The following KCNU1 variants were observed in gnomAD, a reference collection of about 807,000 sequenced individuals.
KCNU1 encodes the protein potassium channel subfamily U member 1.
Under a neutral mutation model 126.8 loss-of-function variants are expected in KCNU1, and 93 were observed. The ratio of observed to expected loss-of-function variants is 0.73; its 90% confidence interval spans 0.62 to 0.87. The LOEUF is 0.87. Ranked by LOEUF, KCNU1 falls within the 40% of genes least tolerant of loss-of-function variation. The pLI, the probability that KCNU1 is intolerant of heterozygous loss-of-function variation, is 0.00. For synonymous variants in KCNU1, 523 were observed against 494.2 expected (o/e 1.06, Z -0.77); for missense variants, 1,330 against 1,367.1 (o/e 0.97, Z 0.43).
chr8:36,882,174 A>G (rs745308235), intron 19 of KCNU1, among the ~76,000 whole-genome samples: 1 of 152,030 alleles, frequency 6.6e-6, no homozygotes, highest in Non-Finnish European at 1.5e-5. Context: ...ATGAGTTTCT[A>G]TTTGTCTCAT....
At chr8:36,831,206 C>A (rs868384517) in intron 10 of KCNU1, among the ~76,000 whole-genome samples, 197 of 151,950 alleles carry the variant, frequency 1.3e-3, no homozygotes, top group African/African-American at 4.5e-3. Context: ...GTGAATAATG[C>A]CGCAATAAAC....
At chr8:36,904,829 G>C (rs886245484) in intron 19 of KCNU1, among the ~76,000 whole-genome samples, 6 of 152,132 alleles carry the variant, frequency 3.9e-5, no homozygotes, top group Non-Finnish European at 8.8e-5. Flanking sequence ...GTGTGGAGGA[G>C]AGACACCTTT....
intron 19 of KCNU1, among the ~76,000 whole-genome samples, chr8:36,875,289 A>G (rs1340461072): frequency 6.6e-6 from 1 of 151,056 alleles, no homozygotes; most frequent in Non-Finnish European, 1.5e-5. Flanking sequence ...AATCACATGT[A>G]TGTGTGTGTA....
intron 18 of KCNU1, among the ~76,000 whole-genome samples, chr8:36,854,167 A>G (rs1805449272): frequency 6.6e-6 from 1 of 152,044 alleles, no homozygotes; most frequent in Non-Finnish European, 1.5e-5. Context: ...TGAGTCTTAC[A>G]TTTTTGATTA....
chr8:36,933,008 A>C lies in KCNU1; in HGVS notation c.3020A>C (p.Glu1007Ala), dbSNP rs367578756. ...GGCTTATACCGAATAATTGATGAAGAGGAGCTCAACCCAGAAAACAAAAGG... is the reference window on the plus strand; with the variant it reads ...GGCTTATACCGAATAATTGATGAAGCGGAGCTCAACCCAGAAAACAAAAGG... ...CVGLYRIIDE[E>A]ELNPENKRFV... Residue 1007 changes from glutamate to alanine, a missense_variant, in exon 26 of 27, where the codon GAG (glutamate) becomes GCG (alanine). Physicochemically the swap from Glu to Ala is moderately radical, Grantham distance 107 (BLOSUM62 -1). Transcript: ENST00000399881. The C allele has an allele frequency of 1.3e-4, 210 of 1,562,008 alleles. 1 individual carries two copies. Among genetic ancestry groups the C allele is most frequent in the Non-Finnish European group, 1.7e-4 (192 of 1,150,944 alleles).
chr8:36,935,765 C>T lies in KCNU1; in HGVS notation c.3295C>T (p.Leu1099Phe), dbSNP rs1808835799. 6.2e-7 allele frequency: 1 copy of T among 1,613,504 alleles called. No individual in the cohort carries two copies. Among genetic ancestry groups the T allele is most frequent in the Non-Finnish European group, 8.5e-7 (1 of 1,179,562 alleles). ...VYSYQPRTNS[L>F]SFPKQIAWNQ... Reference sequence around the variant, plus strand: ...TTCTTACCAGCCGAGAACTAACTCCCTCTCTTTTCCTAAGCAAATAGCATG... The same window carrying T: ...TTCTTACCAGCCGAGAACTAACTCCTTCTCTTTTCCTAAGCAAATAGCATG... Residue 1099 changes from leucine (L) to phenylalanine (F), a missense_variant, in exon 27 of 27, where the codon CTC becomes TTC. Around this residue, in one of 3 missense-constraint regions of KCNU1, gnomAD observed 1,054 missense variants for 1,053.9 expected, o/e 1.00. Transcript: ENST00000399881.
Position 36,864,513 on chromosome 8 carries a change from C to G in KCNU1, c.2001C>G (p.Phe667Leu), listed in dbSNP as rs764748452. ...VSASTSSISNFTTRTLQHDVE... is the reference protein window; with the variant it reads ...VSASTSSISNLTTRTLQHDVE... ...CAAGCACTTCGAGCATATCAAACTT[C>G]ACCACCAGGTAAAAGCTGCAGAGAA... Residue 667 changes from phenylalanine (F) to leucine (L), a missense_variant, in exon 19 of 27, where the codon TTC becomes TTG. Around this residue, in one of 3 missense-constraint regions of KCNU1, gnomAD observed 1,054 missense variants for 1,053.9 expected, o/e 1.00. Coordinates refer to ENST00000399881, the MANE Select transcript of KCNU1 (RefSeq NM_001031836.3). 2 of 1,598,236 alleles carry G rather than the reference C, an allele frequency of 1.3e-6. No homozygotes were observed. The highest frequency in any genetic ancestry group is 1.7e-6 in the Non-Finnish European group (2 of 1,165,828).
chr8:36,903,933 G>T (rs1016592377), intron 19 of KCNU1, among the ~76,000 whole-genome samples: 12 of 152,090 alleles, frequency 7.9e-5, no homozygotes, highest in African/African-American at 2.9e-4. Context: ...ACCAGCACGA[G>T]GGTAACCATC....
intron 1 of KCNU1, 127 bp downstream of exon 1, chr8:36,784,732 G>T: frequency 1.3e-6 from 1 of 744,966 alleles, no homozygotes; most frequent in Non-Finnish European, 2.1e-6. Flanking sequence ...CTATAGCCTG[G>T]TGCCTCAGAA....
At chr8:36,930,849 C>A in intron 24 of KCNU1, 102 bp from the exon 25 acceptor site, 1 of 688,502 alleles carries the variant, frequency 1.5e-6, no homozygotes, top group Non-Finnish European at 2.4e-6. Flanking sequence ...CCATCAGGTC[C>A]ATGTTAAACA....
At position 36,787,344 on chromosome 8, in the gene KCNU1, A is replaced by G; in HGVS notation, c.234A>G (p.Val78=). The G allele has an allele frequency of 6.2e-7, 1 of 1,612,120 alleles. No homozygotes were observed. Among genetic ancestry groups the G allele is most frequent in the Non-Finnish European group, 8.5e-7 (1 of 1,178,688 alleles). The stretch of plus-strand genomic sequence containing the variant: ...CAGGTACCATCGCTAGGAGCCATGT[A>G]AGAAGCCTCCACTTCCAGGGACAAT... ...FTSGTIARSH[V]RSLHFQGQFR... is the part of the protein sequence containing the mutation. The change falls in exon 2 of 27, where the codon GTA becomes GTG. Residue 78 remains valine (V), a synonymous_variant. Coordinates refer to ENST00000399881, the MANE Select transcript of KCNU1 (RefSeq NM_001031836.3).
At chr8:36,874,825 C>T (rs924148781) in intron 19 of KCNU1, among the ~76,000 whole-genome samples, 3 of 151,950 alleles carry the variant, frequency 2.0e-5, no homozygotes, top group African/African-American at 4.8e-5. Context: ...CCTTTCTTAC[C>T]GAGAGAAGGT....
chr8:36,856,608 C>A, intron 18 of KCNU1, among the ~76,000 whole-genome samples: 1 of 152,134 alleles, frequency 6.6e-6, no homozygotes, highest in Non-Finnish European at 1.5e-5. Flanking sequence ...TTAATGGTCT[C>A]TTTCCCTGAT....
chr8:36,913,664 C>T (rs1050051476), intron 22 of KCNU1, among the ~76,000 whole-genome samples: 3 of 147,030 alleles, frequency 2.0e-5, no homozygotes, highest in Admixed American at 1.4e-4. Context: ...TGCGGTGGTG[C>T]GATCTTGGCT....
chr8:36,922,757 T>A, intron 24 of KCNU1, 128 bp downstream of exon 24: 1 of 954,600 alleles, frequency 1.0e-6, no homozygotes, highest in Non-Finnish European at 1.5e-6. Flanking sequence ...AAAAACAAGC[T>A]TGTTCCCATA....
rs1803407374 is a variant in KCNU1 at position 36,804,012 on chromosome 8, G to A, written c.316-15G>A. The A allele has an allele frequency of 3.9e-6, 6 of 1,531,474 alleles. No homozygotes were observed. The Admixed American group carries it at 7.8e-5, about 20-fold the overall frequency. 94.9% of individuals were successfully genotyped at this position (1,531,474 alleles called of 1,614,324 possible). A position where few individuals can be genotyped will look rare whatever the true frequency, so the allele number is the denominator to read the frequency against. On this transcript the variant is annotated splice_polypyrimidine_tract_variant and intron_variant, in intron 2 of 26. Coordinates refer to ENST00000399881, the MANE Select transcript of KCNU1 (RefSeq NM_001031836.3). ...GAAGTGGATTTAGACATTTGTCCCT[G>A]TTTTTCATTTTCAGGTGATCCTTGT... is the stretch of plus-strand genomic sequence containing the variant.
intron 25 of KCNU1, among the ~76,000 whole-genome samples, chr8:36,931,542 C>T (rs1808703504): frequency 6.6e-6 from 1 of 152,036 alleles, no homozygotes; most frequent in Non-Finnish European, 1.5e-5. Context: ...TCCACTTAAT[C>T]TGCCCATGGA....
chr8:36,831,160 G>T (rs1475680124), intron 10 of KCNU1, among the ~76,000 whole-genome samples: 1 of 151,812 alleles, frequency 6.6e-6, no homozygotes, highest in East Asian at 1.9e-4. Context: ...GTCTGTCATT[G>T]TTGGACATTT....
At position 36,807,172 on chromosome 8, in the gene KCNU1, G is replaced by C. The variant is rs188458541; in HGVS notation, c.581-203G>C. On this transcript the variant is annotated intron_variant, in intron 5 of 26. Transcript: ENST00000399881. ...TCTTACAGATAAGGAACTAGAGAAG[G>C]CGAGGGGATTGCCTTAGGTTACAAC... Among the ~76,000 whole-genome samples the C allele has an allele frequency of 3.3e-5, 5 of 152,276 alleles. No individual in the cohort carries two copies. The East Asian group carries it at 9.7e-4, about 29-fold the overall frequency.
Sources: allele counts gnomAD v4.1 joint callset (sites outside exome capture counted in the v4.1 genomes callset), GRCh38; gene constraint gnomAD v4.1.1; regional missense constraint gnomAD v4.1.1; transcripts MANE v1.5; gene names NCBI Gene and HGNC (gene_info 2026-07-23, HGNC 2026-07-21).